PLCH1: variants seen among roughly 807,000 people sequenced by gnomAD.
PLCH1 encodes the protein 1-phosphatidylinositol 4,5-bisphosphate phosphodiesterase eta-1.
Under a neutral mutation model 126.7 loss-of-function variants are expected in PLCH1, and 60 were observed. The observed-to-expected ratio is 0.47, with a 90% CI of 0.38 to 0.59. The LOEUF is 0.59. Among genes scored for constraint, PLCH1 ranks in the 20% least tolerant of loss-of-function variants. The pLI, the probability that PLCH1 is intolerant of heterozygous loss-of-function variation, is 0.00. For missense variants in PLCH1, 1,723 were observed against 2,040.0 expected (o/e 0.84, Z 2.99); for synonymous variants, 719 against 734.9 (o/e 0.98, Z 0.35).
intron 2 of PLCH1, among the ~76,000 whole-genome samples, chr3:155,634,053 C>T (rs1355238148): frequency 6.6e-6 from 1 of 152,128 alleles, no homozygotes; most frequent in Non-Finnish European, 1.5e-5. Context: ...ATAACTAAGC[C>T]TAAAGCAGAC....
intron 10 of PLCH1, among the ~76,000 whole-genome samples, chr3:155,546,289 T>C (rs1445287730): frequency 4.6e-5 from 7 of 152,174 alleles, no homozygotes; most frequent in African/African-American, 1.2e-4. Flanking sequence ...CCATTCACAA[T>C]TGCTTCAAAG....
intron 1 of PLCH1, among the ~76,000 whole-genome samples, chr3:155,720,046 A>G (rs1747832595): frequency 6.6e-6 from 1 of 152,120 alleles, no homozygotes; most frequent in Non-Finnish European, 1.5e-5. Context: ...CACCCGCCTC[A>G]GCTTCCCAAA....
intron 6 of PLCH1, among the ~76,000 whole-genome samples, chr3:155,573,071 T>C (rs1434413146): frequency 1.3e-5 from 2 of 152,164 alleles, no homozygotes; most frequent in Non-Finnish European, 2.9e-5. Flanking sequence ...TGCTCTTGCT[T>C]TATGGCAACA....
chr3:155,514,342 G>C (rs1266480935), intron 12 of PLCH1, among the ~76,000 whole-genome samples: 1 of 152,190 alleles, frequency 6.6e-6, no homozygotes, highest in Non-Finnish European at 1.5e-5. Flanking sequence ...CCTTCTGCCT[G>C]AAGAGCCCTC....
At chr3:155,630,815 C>A (rs2108810576) in intron 2 of PLCH1, among the ~76,000 whole-genome samples, 1 of 152,240 alleles carries the variant, frequency 6.6e-6, no homozygotes, top group Middle Eastern at 3.4e-3. Flanking sequence ...AAACAAGTAA[C>A]ATTTTACAAA....
At chr3:155,650,849 C>T (rs1162292323) in intron 2 of PLCH1, among the ~76,000 whole-genome samples, 1 of 152,052 alleles carries the variant, frequency 6.6e-6, no homozygotes. Context: ...ACTAGCCTGG[C>T]CAACATGGCA....
At chr3:155,576,615 T>C (rs897373539) in intron 6 of PLCH1, among the ~76,000 whole-genome samples, 1 of 152,184 alleles carries the variant, frequency 6.6e-6, no homozygotes, top group Non-Finnish European at 1.5e-5. Flanking sequence ...AGTAAACCTA[T>C]AAAAGTTGAA....
At chr3:155,744,239 G>A (rs1356507168) in intron 1 of PLCH1, among the ~76,000 whole-genome samples, 2 of 152,322 alleles carry the variant, frequency 1.3e-5, no homozygotes, top group East Asian at 1.9e-4. Context: ...GTGCCGCCGC[G>A]GGGCCGGGGT....
Position 155,509,015 on chromosome 3 carries a change from A to T in PLCH1, c.1633-4389T>A, listed in dbSNP as rs542834156. On this transcript the variant is annotated intron_variant, in intron 12 of 22. Coordinates refer to ENST00000460012, the MANE Select transcript of PLCH1 (RefSeq NM_014996.4). ...CTTTTTGGTTGGTAAACTATTGATT[A>T]TTGCCACAATTTCAGAGCCTCTTAT... Among the ~76,000 whole-genome samples the T allele has an allele frequency of 1.4e-4, 19 of 132,990 alleles. 1 individual carries two copies. Among genetic ancestry groups the T allele is most frequent in the African/African-American group, 4.6e-4 (14 of 30,596 alleles). The allele number at this position is 132,990 out of a possible 152,430, so 87.2% of individuals were successfully genotyped here. A position where few individuals can be genotyped will look rare whatever the true frequency, so the allele number is the denominator to read the frequency against.
intron 2 of PLCH1, among the ~76,000 whole-genome samples, chr3:155,600,140 C>A (rs1201085396): frequency 1.3e-5 from 2 of 152,158 alleles, no homozygotes; most frequent in Non-Finnish European, 2.9e-5. Context: ...CTTTCCCAAA[C>A]AAGATAGTTG....
downstream of PLCH1, among the ~76,000 whole-genome samples, chr3:155,479,417 G>A (rs1181878644): frequency 6.6e-6 from 1 of 152,114 alleles, no homozygotes; most frequent in Non-Finnish European, 1.5e-5. Flanking sequence ...CAACCTTGGG[G>A]AAAAGCTCAG....
intron 1 of PLCH1, among the ~76,000 whole-genome samples, chr3:155,738,939 A>AG (rs976429135): frequency 1.3e-5 from 2 of 151,938 alleles, no homozygotes; most frequent in African/African-American, 4.8e-5. Context: ...TGTCTCAAAA[A>AG]AATATACAAA....
rs539019656 is a variant in PLCH1, at chr3:155,694,286, A to G, written c.79+9860T>C. On this transcript the variant is annotated intron_variant, in intron 2 of 22. Transcript: ENST00000460012. Reference sequence around the variant, plus strand: ...CCCTGGCCACACCCCAGACCAAAAAATCAGAGCCTCTGAGCTGGGACCCAG... The same window carrying G: ...CCCTGGCCACACCCCAGACCAAAAAGTCAGAGCCTCTGAGCTGGGACCCAG... Among the ~76,000 whole-genome samples the G allele has an allele frequency of 2.6e-5, 4 of 152,258 alleles. No homozygotes were observed. In the East Asian group the frequency reaches 7.7e-4, roughly 29 times the overall value.
At chr3:155,600,824 T>C (rs1733623382) in intron 2 of PLCH1, among the ~76,000 whole-genome samples, 1 of 152,224 alleles carries the variant, frequency 6.6e-6, no homozygotes, top group Non-Finnish European at 1.5e-5. Flanking sequence ...TTAATAATTA[T>C]CATTTTAATG....
At chr3:155,634,374 G>A (rs1738469032) in intron 2 of PLCH1, among the ~76,000 whole-genome samples, 1 of 152,152 alleles carries the variant, frequency 6.6e-6, no homozygotes, top group African/African-American at 2.4e-5. Context: ...ATTGCGCAAG[G>A]TAGTTTTGGG....
Position 155,594,376 on chromosome 3 carries a change from G to T in PLCH1, c.227-192C>A, listed in dbSNP as rs150533976. 5.0e-3 allele frequency among the ~76,000 whole-genome samples: 761 copies of T among 152,066 alleles called. 7 individuals carry two copies. Among genetic ancestry groups the T allele is most frequent in the African/African-American group, 0.017 (725 of 41,484 alleles). ...GCCTGAGCTCAGGAGTTCGAGACCA[G>T]CCTGGGCAACATGGTGAAACCCCGT... On this transcript the variant is annotated intron_variant, in intron 3 of 22. Transcript: ENST00000460012.
intron 1 of PLCH1, chr3:155,743,629 G>A (rs999406952): frequency 2.4e-6 from 1 of 410,306 alleles, no homozygotes; most frequent in Non-Finnish European, 4.7e-6. Flanking sequence ...TAACCCCAAA[G>A]GTGACCAAAA....
At chr3:155,554,908 T>C (rs1476622956) in intron 8 of PLCH1, among the ~76,000 whole-genome samples, 4 of 152,232 alleles carry the variant, frequency 2.6e-5, no homozygotes, top group Non-Finnish European at 5.9e-5. Flanking sequence ...TTGTTATTGA[T>C]ACTATTAATA....
At chr3:155,644,565 T>A (rs1739791439) in intron 2 of PLCH1, among the ~76,000 whole-genome samples, 1 of 152,026 alleles carries the variant, frequency 6.6e-6, no homozygotes, top group Non-Finnish European at 1.5e-5. Flanking sequence ...GTCGCTTCAC[T>A]GCACTCCAGC....
Sources: allele counts gnomAD v4.1 joint callset (sites outside exome capture counted in the v4.1 genomes callset), GRCh38; gene constraint gnomAD v4.1.1; transcripts MANE v1.5; gene names NCBI Gene and HGNC (gene_info 2026-07-23, HGNC 2026-07-21).